The following TCF7 variants were observed in gnomAD, a reference collection of about 807,000 sequenced individuals.
TCF7 encodes the protein T-cell-factor-7.
A neutral mutation model predicts 46.8 loss-of-function variants in TCF7; 19 were observed. The ratio of observed to expected loss-of-function variants is 0.41; its 90% CI spans 0.28 to 0.60. The LOEUF is 0.60. Among genes scored for constraint, TCF7 ranks in the 20% least tolerant of loss-of-function variants. TCF7 has a pLI of 0.35. For missense variants in TCF7, 547 were observed against 504.6 expected, an observed-to-expected ratio of 1.08 and a Z score of -0.81; for synonymous variants, 245 against 213.4, an observed-to-expected ratio of 1.15 and a Z score of -1.29.
chr5:134,137,357 C>T (rs568708049), intron 3 of TCF7, among the ~76,000 whole-genome samples: 8 of 135,558 alleles, frequency 5.9e-5, no homozygotes, highest in Non-Finnish European at 9.2e-5. Context: ...TGCCAGGAGG[C>T]GGAGGTTGCA....
chr5:134,145,834 T>A, intron 9 of TCF7: 7 of 1,612,316 alleles, frequency 4.3e-6, no homozygotes, highest in Non-Finnish European at 5.9e-6. Context: ...CTGGGATGGC[T>A]GGGCAAGGAA....
rs763744244 is a variant in TCF7, at chr5:134,146,541, C to T, written c.*238C>T. ...GCCTAGCAGGCACAGGACACCTGGC[C>T]GCCTCCAGGAGCCTACCCCCTGAAA... On this transcript the variant is annotated 3_prime_UTR_variant, in exon 10 of 10. Transcript: ENST00000342854. 1 of 719,422 alleles carries T rather than the reference C, an allele frequency of 1.4e-6. No individual in the cohort carries two copies. Among genetic ancestry groups the T allele is most frequent in the East Asian group, 2.7e-5 (1 of 37,310 alleles). The allele number at this position is 719,422 out of a possible 1,614,324, so 44.6% of individuals were successfully genotyped here.
intron 6 of TCF7, 90 bp downstream of exon 6, chr5:134,142,394 C>T: frequency 7.5e-7 from 1 of 1,327,460 alleles, no homozygotes; most frequent in Non-Finnish European, 9.8e-7. Context: ...GAGGTCCCTG[C>T]CTAAGCTGTT....
intron 3 of TCF7, among the ~76,000 whole-genome samples, chr5:134,122,122 C>G (rs1291530543): frequency 1.3e-5 from 2 of 152,140 alleles, no homozygotes; most frequent in Admixed American, 6.5e-5. Context: ...GGGTGGCTCC[C>G]TCAAAGCCTT....
chr5:134,123,024 C>T (rs990232790), intron 3 of TCF7, among the ~76,000 whole-genome samples: 1 of 152,240 alleles, frequency 6.6e-6, no homozygotes, highest in Non-Finnish European at 1.5e-5. Context: ...CCTTAGTTTT[C>T]TTATCTAAAA....
chr5:134,138,257 A>C, intron 4 of TCF7, 93 bp downstream of exon 4: 1 of 1,153,176 alleles, frequency 8.7e-7, no homozygotes, highest in Non-Finnish European at 1.3e-6. Context: ...TCCATTTTAT[A>C]ACTGGAGAAC....
upstream of TCF7, among the ~76,000 whole-genome samples, chr5:134,110,240 A>C (rs1755312128): frequency 6.6e-6 from 1 of 152,234 alleles, no homozygotes; most frequent in Non-Finnish European, 1.5e-5. Flanking sequence ...ATGAACTGCC[A>C]ATTTTGTTAT....
chr5:134,127,576 A>G (rs1490007641), intron 3 of TCF7, among the ~76,000 whole-genome samples: 6 of 152,206 alleles, frequency 3.9e-5, no homozygotes, highest in African/African-American at 1.4e-4. Context: ...GTCATGGGAA[A>G]TGGCTGGACT....
At chr5:134,123,536 G>A in intron 3 of TCF7, 1 of 389,108 alleles carries the variant, frequency 2.6e-6, no homozygotes, top group South Asian at 1.9e-5. Flanking sequence ...CAGGTGAGAG[G>A]GGGAGAACAC....
intron 3 of TCF7, among the ~76,000 whole-genome samples, chr5:134,129,220 T>C (rs1465568796): frequency 1.3e-5 from 2 of 152,248 alleles, no homozygotes; most frequent in Non-Finnish European, 2.9e-5. Context: ...GGTGGAGCTC[T>C]GCAGACTGAG....
intron 3 of TCF7, 173 bp downstream of exon 3, chr5:134,116,206 GA>G: frequency 7.2e-7 from 1 of 1,384,308 alleles, no homozygotes; most frequent in East Asian, 2.8e-5. Flanking sequence ...TTTGCTGAAG[GA>G]AGGAGGGGCC....
intron 3 of TCF7, among the ~76,000 whole-genome samples, chr5:134,132,688 G>A (rs766317621): frequency 6.6e-6 from 1 of 151,878 alleles, no homozygotes; most frequent in Non-Finnish European, 1.5e-5. Flanking sequence ...GCGGTCTACA[G>A]GGAAAATGCC....
chr5:134,141,885 C>T (rs1759833512), intron 5 of TCF7: 4 of 258,338 alleles, frequency 1.5e-5, no homozygotes, highest in Non-Finnish European at 3.0e-5. Context: ...CAGCCACAGG[C>T]TCCTGAGGCT....
chr5:134,115,545 G>A, intron 2 of TCF7, 158 bp downstream of exon 2: 3 of 1,440,406 alleles, frequency 2.1e-6, no homozygotes, highest in Non-Finnish European at 2.7e-6. Flanking sequence ...GGCTTCCCGG[G>A]CGCCGCCGGG....
Position 134,129,167 on chromosome 5 carries a change from C to T in TCF7, c.442-8892C>T, listed in dbSNP as rs547516651. On this transcript the variant is annotated intron_variant, in intron 3 of 9. Coordinates refer to ENST00000342854, the MANE Select transcript of TCF7 (RefSeq NM_003202.5). The stretch of plus-strand genomic sequence containing the variant: ...TTTCCTCGTCTGCGAAGTCTGTATG[C>T]ACAGCACAAAGTGGTTGGGAAGACT... Among the ~76,000 whole-genome samples, 4 of 152,376 alleles carry T rather than the reference C, an allele frequency of 2.6e-5. No individual in the cohort carries two copies. In the South Asian group the frequency reaches 8.3e-4, roughly 32 times the overall value.
intron 8 of TCF7, 172 bp from the exon 9 acceptor site, chr5:134,143,419 TA>T: frequency 1.2e-6 from 1 of 847,504 alleles, no homozygotes; most frequent in Non-Finnish European, 2.0e-6. Context: ...GAAGAGCTTC[TA>T]AATGCACTCC....
Position 134,139,047 on chromosome 5 carries a change from G to A in TCF7, c.635+9G>A, listed in dbSNP as rs1324614969. 2 of 1,613,352 alleles carry A rather than the reference G, an allele frequency of 1.2e-6. No individual in the cohort carries two copies. Among genetic ancestry groups the A allele is most frequent in the South Asian group, 1.1e-5 (1 of 91,034 alleles). ...CCCCACACTGTGAGCTGGTGAGTGT[G>A]GGCCCAATGGGAAAGGGGTACCGTG... On this transcript the variant is annotated intron_variant, in intron 5 of 9. Transcript: ENST00000342854.
At chr5:134,137,970 T>C (rs923712839) in intron 3 of TCF7, 89 bp from the exon 4 acceptor site, 1 of 1,146,394 alleles carries the variant, frequency 8.7e-7, no homozygotes, top group Non-Finnish European at 1.2e-6. Flanking sequence ...CACTTTTCTT[T>C]GACAGCTGGG....
chr5:134,127,579 G>A (rs1046233856), intron 3 of TCF7, among the ~76,000 whole-genome samples: 1 of 152,222 alleles, frequency 6.6e-6, no homozygotes, highest in Admixed American at 6.5e-5. Context: ...ATGGGAAATG[G>A]CTGGACTGAG....
Sources: allele counts gnomAD v4.1 joint callset (sites outside exome capture counted in the v4.1 genomes callset), GRCh38; gene constraint gnomAD v4.1.1; transcripts MANE v1.5; gene names NCBI Gene and HGNC (gene_info 2026-07-23, HGNC 2026-07-21).